The following PCDHA5 variants were observed in gnomAD, a reference collection of about 807,000 sequenced individuals.
The protein encoded by PCDHA5 is protocadherin alpha 5.
In PCDHA5, 43 loss-of-function variants were observed where a neutral mutation model predicts 61.6. The observed-to-expected ratio is 0.70, with a 90% CI of 0.55 to 0.90. PCDHA5 has a LOEUF of 0.90. Among genes scored for constraint, PCDHA5 ranks in the 40% least tolerant of loss-of-function variants. PCDHA5 has a pLI of 0.00. For synonymous variants in PCDHA5, 627 were observed against 543.9 expected (o/e 1.15, Z -2.13); for missense variants, 1,298 against 1,222.7 (o/e 1.06, Z -0.92).
At position 140,984,581 on chromosome 5, in the gene PCDHA5, C is replaced by T. The variant is rs141574202; in HGVS notation, c.2500+2018C>T. ...TCCAACTACTCCATGGCAACCTAAT[C>T]ATACTTTTCAATACATACCTCTGCA... On this transcript the variant is annotated intron_variant, in intron 3 of 3. Transcript: ENST00000529859. 4.4e-3 allele frequency among the ~76,000 whole-genome samples: 664 copies of T among 152,272 alleles called. 7 individuals carry two copies. The highest frequency in any genetic ancestry group is 0.013 in the African/African-American group (558 of 41,552).
intron 1 of PCDHA5, chr5:140,967,795 G>A (rs1399903836): frequency 3.1e-6 from 5 of 1,614,068 alleles, no homozygotes; most frequent in Non-Finnish European, 1.7e-6. Context: ...GGGGTCCAGT[G>A]CCCATGGCAG....
At position 140,822,497 on chromosome 5, in the gene PCDHA5, T is replaced by C; in HGVS notation, c.722T>C (p.Phe241Ser). 6.2e-7 allele frequency: 1 copy of C among 1,613,868 alleles called. No homozygotes were observed. Among genetic ancestry groups the C allele is most frequent in the Non-Finnish European group, 8.5e-7 (1 of 1,179,972 alleles). ...VLDANDNAPE[F>S]DKSIYNVRLL... is the part of the protein sequence containing the mutation. ...GATGCTAATGATAACGCCCCAGAAT[T>C]TGATAAATCCATTTATAATGTCAGA... Residue 241 changes from phenylalanine to serine, a missense_variant, in exon 1 of 4, where the codon TTT (phenylalanine) becomes TCT (serine). Phe to Ser is a radical substitution (Grantham distance 155). Coordinates refer to ENST00000529859, the MANE Select transcript of PCDHA5 (RefSeq NM_018908.3).
intron 1 of PCDHA5, chr5:140,828,077 C>T (rs782554927): frequency 1.9e-6 from 3 of 1,577,254 alleles, no homozygotes; most frequent in East Asian, 2.2e-5. Context: ...GGAAATAAAA[C>T]CAGAGGTATT....
chr5:140,873,065 C>G (rs1436390392), intron 1 of PCDHA5, among the ~76,000 whole-genome samples: 3 of 152,140 alleles, frequency 2.0e-5, no homozygotes, highest in Admixed American at 2.0e-4. Context: ...TCTTGAGAAT[C>G]ATATCTAGCT....
chr5:140,929,307 C>A, intron 1 of PCDHA5: 1 of 1,570,164 alleles, frequency 6.4e-7, no homozygotes, highest in Non-Finnish European at 8.7e-7. Flanking sequence ...AAGGGGATCA[C>A]GCTAATGTCA....
At chr5:140,972,471 G>A (rs1437633114) in intron 1 of PCDHA5, among the ~76,000 whole-genome samples, 6 of 151,998 alleles carry the variant, frequency 3.9e-5, no homozygotes, top group Non-Finnish European at 8.8e-5. Context: ...TTAAACATCA[G>A]CATTTAACCC....
At chr5:140,908,455 AT>A (rs367827339) in intron 1 of PCDHA5, among the ~76,000 whole-genome samples, 51 of 152,296 alleles carry the variant, frequency 3.3e-4, no homozygotes, top group African/African-American at 9.9e-4. Flanking sequence ...GGCTAGATGG[AT>A]CAGAAAGCAC....
rs781985413 is a variant in PCDHA5 at position 140,857,290 on chromosome 5, C to T, written c.2352+33163C>T. On this transcript the variant is annotated intron_variant, in intron 1 of 3. Coordinates refer to ENST00000529859, the MANE Select transcript of PCDHA5 (RefSeq NM_018908.3). ...TGGTGCTGGACAGCGCTCTGGACCG[C>T]GAGAGGGTGTCGGCCTATGAGCTGG... 16 of 1,598,706 alleles carry T rather than the reference C, an allele frequency of 1.0e-5. 2 individuals carry two copies. Among genetic ancestry groups the T allele is most frequent in the Non-Finnish European group, 1.4e-5 (16 of 1,168,040 alleles).
At chr5:140,848,251 T>C (rs1419799302) in intron 1 of PCDHA5, 3 of 465,726 alleles carry the variant, frequency 6.4e-6, no homozygotes, top group Non-Finnish European at 1.1e-5. Flanking sequence ...GCAGAATAAC[T>C]GTGAAATTTT....
intron 1 of PCDHA5, among the ~76,000 whole-genome samples, chr5:140,895,298 C>A (rs1208960325): frequency 6.6e-6 from 1 of 151,928 alleles, no homozygotes; most frequent in Non-Finnish European, 1.5e-5. Context: ...CCTTCGATTT[C>A]CCCCCTTCCA....
chr5:140,835,664 G>A (rs2150241207), intron 1 of PCDHA5: 1 of 1,613,934 alleles, frequency 6.2e-7, no homozygotes, highest in Non-Finnish European at 8.5e-7. Flanking sequence ...TGGTTACCGC[G>A]CGGGACGGGG....
chr5:140,835,869 G>T (rs781933371), intron 1 of PCDHA5: 1 of 1,612,094 alleles, frequency 6.2e-7, no homozygotes, highest in Non-Finnish European at 8.5e-7. Context: ...CTCGCTGGTG[G>T]AGCTGCGGGT....
chr5:140,853,754 A>C, intron 1 of PCDHA5: 1 of 988,728 alleles, frequency 1.0e-6, no homozygotes, highest in Non-Finnish European at 1.2e-6. Flanking sequence ...TCAAGGCTCC[A>C]CCTCAGAAAT....
chr5:140,886,122 C>T (rs1394228638), intron 1 of PCDHA5, among the ~76,000 whole-genome samples: 1 of 152,116 alleles, frequency 6.6e-6, no homozygotes, highest in Non-Finnish European at 1.5e-5. Context: ...AACATAGTTC[C>T]GTAACAACCA....
chr5:140,969,483 G>T (rs531496681), intron 1 of PCDHA5: 15 of 1,462,254 alleles, frequency 1.0e-5, no homozygotes, highest in Non-Finnish European at 1.3e-5. Context: ...ATCATAATCT[G>T]CTATTTCCTC....
intron 1 of PCDHA5, chr5:140,870,154 G>T (rs1243170344): frequency 6.2e-7 from 1 of 1,614,130 alleles, no homozygotes; most frequent in African/African-American, 1.3e-5. Flanking sequence ...TGAAGTCGCC[G>T]TGACTTCCTT....
intron 1 of PCDHA5, chr5:140,869,931 G>C (rs2051507983): frequency 6.2e-7 from 1 of 1,611,492 alleles, no homozygotes; most frequent in Admixed American, 1.7e-5. Flanking sequence ...TCAATGGAGA[G>C]GTAACATACT....
At chr5:140,957,851 T>TG (rs2095389296) in intron 1 of PCDHA5, among the ~76,000 whole-genome samples, 1 of 136,014 alleles carries the variant, frequency 7.4e-6, no homozygotes. Flanking sequence ...AGAGTTTGTG[T>TG]ATTTTTTTTC....
Position 140,821,928 on chromosome 5 carries a change from A to G in PCDHA5, c.153A>G (p.Leu51=), listed in dbSNP as rs147874482. ...GTFVGRIAQD[L]GLELAELVPR... Reference sequence around the variant, plus strand: ...TCGTTGGCCGCATCGCGCAGGACCTAGGGCTGGAGCTGGCGGAGCTGGTGC... The same window carrying G: ...TCGTTGGCCGCATCGCGCAGGACCTGGGGCTGGAGCTGGCGGAGCTGGTGC... Residue 51 remains leucine, a synonymous_variant, in exon 1 of 4, where the codon CTA becomes CTG. Coordinates refer to ENST00000529859, the MANE Select transcript of PCDHA5 (RefSeq NM_018908.3). 9.9e-6 allele frequency: 16 copies of G among 1,614,034 alleles called. No individual in the cohort carries two copies. The African/African-American group carries it at 1.7e-4, about 17-fold the overall frequency.
Sources: gnomAD v4.1 joint callset for allele counts (sites outside exome capture counted in the v4.1 genomes callset) on GRCh38, gnomAD v4.1.1 for gene constraint, MANE v1.5 for transcripts, NCBI Gene and HGNC (gene_info 2026-07-23, HGNC 2026-07-21) for gene names.